NUTF2: variants seen among roughly 807,000 people sequenced by gnomAD.
The protein encoded by NUTF2 is nuclear transport factor 2.
Under a neutral mutation model 18.5 loss-of-function variants are expected in NUTF2, and 3 were observed. That is an observed-to-expected ratio of 0.16 (90% CI 0.07 to 0.42). The LOEUF (loss-of-function observed/expected upper bound fraction) is 0.42, where lower values mean the gene tolerates loss of function less well. Among genes scored for constraint, NUTF2 ranks in the 10% least tolerant of loss-of-function variants. The probability of loss-of-function intolerance (pLI) is 0.99; values close to 1 mark genes in which losing one functional copy is unlikely to be tolerated. For synonymous variants in NUTF2, 51 were observed against 57.9 expected (o/e 0.88, Z 0.54); for missense variants, 44 against 160.7 (o/e 0.27, Z 3.93).
At chr16:67,849,207 G>C (rs755660539) in intron 1 of NUTF2, among the ~76,000 whole-genome samples, 12 of 152,240 alleles carry the variant, frequency 7.9e-5, no homozygotes, top group Non-Finnish European at 1.5e-4. Flanking sequence ...GTGAAATCTA[G>C]AACTAGAAGC....
At chr16:67,868,477 C>T in intron 3 of NUTF2, 24 bp from the exon 4 acceptor site, 2 of 1,613,872 alleles carry the variant, frequency 1.2e-6, no homozygotes, top group South Asian at 1.1e-5. Flanking sequence ...TTGGTTCTCC[C>T]ACCTCCCACT....
At chr16:67,855,887 C>CGGG (rs796843812) in intron 1 of NUTF2, 268 of 186,676 alleles carry the variant, frequency 1.4e-3, no homozygotes, top group Non-Finnish European at 2.0e-3. Context: ...TTTTTTTTGG[C>CGGG]GGGGGGGGGG....
Position 67,855,892 on chromosome 16 carries a change from G to GA in NUTF2, c.-30+8907_-30+8908insA, listed in dbSNP as rs200141603. ...GCCACCCGATTTTTTTTTGGCGGGG[G>GA]GGGGGGATGGGGGAAATGAGAATAA... On this transcript the variant is annotated intron_variant, in intron 1 of 4. Transcript: ENST00000219169. 7.5e-5 allele frequency: 33 copies of GA among 441,700 alleles called. 1 individual carries two copies. The highest frequency in any genetic ancestry group is 4.1e-4 in the African/African-American group (19 of 46,360). 27.4% of individuals were successfully genotyped at this position (441,700 alleles called of 1,614,324 possible).
At chr16:67,868,446 C>A in intron 3 of NUTF2, 35 bp downstream of exon 3, 1 of 1,613,350 alleles carries the variant, frequency 6.2e-7, no homozygotes, top group Non-Finnish European at 8.5e-7. Context: ...GCAGGTGGCT[C>A]CTTTCCCACC....
chr16:67,858,071 A>G (rs1023310443), intron 1 of NUTF2, among the ~76,000 whole-genome samples: 2 of 152,226 alleles, frequency 1.3e-5, no homozygotes, highest in African/African-American at 4.8e-5. Context: ...AGGGAGATAG[A>G]CCGTAAACAA....
In NUTF2 at chr16:67,871,012, C is replaced by G. The variant is rs2058007633; in HGVS notation, c.*99C>G. On this transcript the variant is annotated 3_prime_UTR_variant, in exon 5 of 5. Coordinates refer to ENST00000219169, the MANE Select transcript of NUTF2 (RefSeq NM_005796.3). The stretch of plus-strand genomic sequence containing the variant: ...GCTCCAAATATCATGCACAAATGAG[C>G]AGGGCCGCGGTGGGAGTGGGCGCAG... 1.1e-6 allele frequency: 1 copy of G among 922,014 alleles called. No homozygotes were observed. The highest frequency in any genetic ancestry group is 1.5e-5 in the South Asian group (1 of 68,408). 57.1% of individuals were successfully genotyped at this position (922,014 alleles called of 1,614,324 possible).
intron 1 of NUTF2, among the ~76,000 whole-genome samples, chr16:67,859,106 G>A (rs919831320): frequency 1.3e-4 from 19 of 151,918 alleles, no homozygotes; most frequent in Non-Finnish European, 1.5e-5. Flanking sequence ...AAGTGTCCGA[G>A]GGATTACAGT....
chr16:67,853,248 T>G (rs1347046886), intron 1 of NUTF2, among the ~76,000 whole-genome samples: 2 of 152,108 alleles, frequency 1.3e-5, no homozygotes, highest in Non-Finnish European at 1.5e-5. Context: ...TAAAGTGCAG[T>G]TGGTGCCATC....
intron 1 of NUTF2, among the ~76,000 whole-genome samples, chr16:67,850,205 C>CTTTTTTTTTTTTTTTTTTTT (rs768001106): frequency 6.7e-6 from 1 of 149,732 alleles, no homozygotes; most frequent in African/African-American, 2.5e-5. Flanking sequence ...TTCCCTGTAA[C>CTTTTTTTTTTTTTTTTTTTT]TTCTTTTTTT....
intron 1 of NUTF2, among the ~76,000 whole-genome samples, chr16:67,853,481 C>G (rs1345883302): frequency 6.6e-6 from 1 of 152,082 alleles, no homozygotes; most frequent in East Asian, 1.9e-4. Flanking sequence ...CCTTAGCCTC[C>G]CAAGTAGTTG....
chr16:67,866,053 G>T (rs2057969019), intron 2 of NUTF2, among the ~76,000 whole-genome samples: 1 of 152,044 alleles, frequency 6.6e-6, no homozygotes, highest in African/African-American at 2.4e-5. Context: ...TATACACCAA[G>T]AACTAATTGT....
intron 1 of NUTF2, among the ~76,000 whole-genome samples, chr16:67,848,353 C>A (rs2057824048): frequency 6.6e-6 from 1 of 152,184 alleles, no homozygotes; most frequent in South Asian, 2.1e-4. Context: ...GAGGCCAAGG[C>A]CAGCGGATCA....
At chr16:67,859,183 TTTTG>T (rs2057917845) in intron 1 of NUTF2, among the ~76,000 whole-genome samples, 3 of 151,838 alleles carry the variant, frequency 2.0e-5, no homozygotes, top group African/African-American at 4.8e-5. Context: ...GAGGGTTTGT[TTTTG>T]TTTGTTTGTT....
chr16:67,851,964 T>C (rs60215608), intron 1 of NUTF2, among the ~76,000 whole-genome samples: 1 of 151,906 alleles, frequency 6.6e-6, no homozygotes, highest in Non-Finnish European at 1.5e-5. Context: ...TGCAGTGAGC[T>C]GAGACTGTGC....
At chr16:67,870,706 C>T (rs2151302025) in intron 4 of NUTF2, 94 bp from the exon 5 acceptor site, 1 of 959,440 alleles carries the variant, frequency 1.0e-6, no homozygotes, top group African/African-American at 1.6e-5. Flanking sequence ...GGGCCTGATC[C>T]TAAAGTCAAC....
chr16:67,866,306 GTTTTT>G (rs921901942), intron 2 of NUTF2, among the ~76,000 whole-genome samples: 1 of 134,034 alleles, frequency 7.5e-6, no homozygotes, highest in African/African-American at 2.8e-5. Context: ...TCATAGTAGA[GTTTTT>G]TTTTTTTTTT....
At chr16:67,856,632 C>T (rs2057900016) in intron 1 of NUTF2, among the ~76,000 whole-genome samples, 1 of 151,964 alleles carries the variant, frequency 6.6e-6, no homozygotes. Flanking sequence ...CCTCAGCATG[C>T]GGAGTAGCTG....
At chr16:67,867,256 G>T (rs538713407) in intron 2 of NUTF2, among the ~76,000 whole-genome samples, 1 of 152,338 alleles carries the variant, frequency 6.6e-6, no homozygotes, top group Admixed American at 6.5e-5. Context: ...ACAGGTGTGA[G>T]CCACTGCACC....
At chr16:67,852,144 C>A (rs527886207) in intron 1 of NUTF2, among the ~76,000 whole-genome samples, 1 of 152,040 alleles carries the variant, frequency 6.6e-6, no homozygotes, top group Non-Finnish European at 1.5e-5. Flanking sequence ...TAGCAATACC[C>A]ATTTCTACAA....
Sources: gnomAD v4.1 joint callset for allele counts (sites outside exome capture counted in the v4.1 genomes callset) on GRCh38, gnomAD v4.1.1 for gene constraint, MANE v1.5 for transcripts, NCBI Gene and HGNC (gene_info 2026-07-23, HGNC 2026-07-21) for gene names.